The following TBC1D22A variants were observed in gnomAD, a reference collection of about 807,000 sequenced individuals.
TBC1D22A encodes the protein putative GTPase activator.
Under a neutral mutation model 60.2 loss-of-function variants are expected in TBC1D22A, and 38 were observed. The ratio of observed to expected loss-of-function variants is 0.63; its 90% CI spans 0.49 to 0.83. The LOEUF (loss-of-function observed/expected upper bound fraction) is 0.83, where lower values mean the gene tolerates loss of function less well. TBC1D22A is among the 40% of genes least tolerant of loss of function. The pLI is 0.00. For synonymous variants in TBC1D22A, 302 were observed against 281.7 expected, an observed-to-expected ratio of 1.07 and a Z score of -0.72; for missense variants, 628 against 701.0, an observed-to-expected ratio of 0.90 and a Z score of 1.18.
chr22:47,119,126 C>T (rs536229507), intron 12 of TBC1D22A, among the ~76,000 whole-genome samples: 42 of 152,226 alleles, frequency 2.8e-4, no homozygotes, highest in African/African-American at 7.5e-4. Context: ...TCCAGCCTTG[C>T]GACAGCAAGA....
chr22:46,885,350 G>A (rs1206996082), intron 5 of TBC1D22A, among the ~76,000 whole-genome samples: 2 of 152,096 alleles, frequency 1.3e-5, no homozygotes, highest in African/African-American at 2.4e-5. Flanking sequence ...ATGTGACTCT[G>A]GGCACATTAA....
At chr22:47,166,633 A>G (rs879255866) in intron 12 of TBC1D22A, among the ~76,000 whole-genome samples, 1 of 152,088 alleles carries the variant, frequency 6.6e-6, no homozygotes, top group Non-Finnish European at 1.5e-5. Flanking sequence ...TTATTTCTCC[A>G]TCTGTTGCCT....
In TBC1D22A at chr22:47,087,447, G is replaced by A. The variant is rs77822476; in HGVS notation, c.1330-24061G>A. Among the ~76,000 whole-genome samples the A allele has an allele frequency of 5.1e-3, 777 of 152,298 alleles. 11 individuals are homozygous for A. The highest frequency in any genetic ancestry group is 0.018 in the African/African-American group (730 of 41,564). ...AATGAAAAGAGAACCTAAACTATGTGTCAAGTCGGTACTTTAATCACACAG... is the reference window on the plus strand; with the variant it reads ...AATGAAAAGAGAACCTAAACTATGTATCAAGTCGGTACTTTAATCACACAG... On this transcript the variant is annotated intron_variant, in intron 11 of 12. Coordinates refer to ENST00000337137, the MANE Select transcript of TBC1D22A (RefSeq NM_014346.5).
intron 11 of TBC1D22A, among the ~76,000 whole-genome samples, chr22:47,062,087 CAAAAAAAAAAA>C (rs908701365): frequency 1.2e-3 from 74 of 62,998 alleles, no homozygotes; most frequent in South Asian, 3.2e-3. Flanking sequence ...GACTCCATCT[CAAAAAAAAAAA>C]AAAAAAAAAA....
chr22:46,974,410 GCGCCCACGGGACACAGCCCA>G lies in TBC1D22A; in HGVS notation c.1125+19_1125+38del. On this transcript the variant is annotated intron_variant, in intron 9 of 12. Coordinates refer to ENST00000337137, the MANE Select transcript of TBC1D22A (RefSeq NM_014346.5). ...CTGGATGGCATTCAGGTGAGCGCCC[GCGCCCACGGGACACAGCCCA>G]CGCCCACAGCCCCTGCGGTGAAGAG... The G allele has an allele frequency of 6.3e-7, 1 of 1,599,270 alleles. No homozygotes were observed. Among genetic ancestry groups the G allele is most frequent in the East Asian group, 2.3e-5 (1 of 44,388 alleles).
intron 12 of TBC1D22A, among the ~76,000 whole-genome samples, chr22:47,138,585 G>A (rs188370142): frequency 5.9e-5 from 9 of 152,366 alleles, no homozygotes; most frequent in South Asian, 2.1e-4. Context: ...GGCAAAGGCC[G>A]TCCTTGGAGA....
chr22:46,907,064 C>T (rs536698894), intron 7 of TBC1D22A, among the ~76,000 whole-genome samples: 1 of 142,848 alleles, frequency 7.0e-6, no homozygotes, highest in Non-Finnish European at 1.5e-5. Flanking sequence ...TGCTCTTCTC[C>T]ACATGTGTGC....
At chr22:47,127,060 A>G (rs1313798220) in intron 12 of TBC1D22A, among the ~76,000 whole-genome samples, 1 of 152,208 alleles carries the variant, frequency 6.6e-6, no homozygotes, top group Non-Finnish European at 1.5e-5. Context: ...TCGGGGTCTC[A>G]GGAAACCAGG....
intron 4 of TBC1D22A, among the ~76,000 whole-genome samples, chr22:46,854,030 G>T (rs2087434195): frequency 6.6e-6 from 1 of 152,122 alleles, no homozygotes; most frequent in Non-Finnish European, 1.5e-5. Context: ...TGTCCCCTGT[G>T]AGTGGACTCT....
intron 8 of TBC1D22A, among the ~76,000 whole-genome samples, chr22:46,923,581 C>A (rs977911882): frequency 6.6e-6 from 1 of 152,254 alleles, no homozygotes; most frequent in Non-Finnish European, 1.5e-5. Flanking sequence ...GGTTCCAGCC[C>A]GTCCTTTGAG....
rs1437280129 is a variant in TBC1D22A at position 47,110,905 on chromosome 22, C to T, written c.1330-603C>T. 4.6e-5 allele frequency among the ~76,000 whole-genome samples: 7 copies of T among 152,258 alleles called. 1 individual carries two copies. The highest frequency in any genetic ancestry group is 1.7e-4 in the African/African-American group (7 of 41,532). The stretch of plus-strand genomic sequence containing the variant: ...CGGGATGAGTAAGGGGTAGATATCT[C>T]AAGAAGGGGGAGCAGGGAAGCCTTG... On this transcript the variant is annotated intron_variant, in intron 11 of 12. Coordinates refer to ENST00000337137, the MANE Select transcript of TBC1D22A (RefSeq NM_014346.5).
intron 12 of TBC1D22A, among the ~76,000 whole-genome samples, chr22:47,148,002 A>G (rs913857541): frequency 2.6e-5 from 4 of 152,152 alleles, no homozygotes; most frequent in Admixed American, 2.6e-4. Context: ...CCTTCCTCCT[A>G]GGACAGTGCC....
chr22:47,131,408 C>T (rs1287664335), intron 12 of TBC1D22A, among the ~76,000 whole-genome samples: 5 of 152,182 alleles, frequency 3.3e-5, no homozygotes. Context: ...GTTAATCGGC[C>T]AGTAGTGAAC....
chr22:46,878,755 C>G, intron 5 of TBC1D22A, 32 bp downstream of exon 5: 1 of 1,604,986 alleles, frequency 6.2e-7, no homozygotes, highest in Non-Finnish European at 8.5e-7. Context: ...ATCAGCGCCT[C>G]CTTCCTGTGC....
chr22:46,921,489 T>C (rs1044995649), intron 8 of TBC1D22A, among the ~76,000 whole-genome samples: 25 of 152,246 alleles, frequency 1.6e-4, no homozygotes, highest in African/African-American at 4.8e-4. Flanking sequence ...CAGTCCACCA[T>C]TGATGGACAT....
chr22:47,127,680 C>T (rs1341381895), intron 12 of TBC1D22A, among the ~76,000 whole-genome samples: 7 of 152,218 alleles, frequency 4.6e-5, no homozygotes, highest in South Asian at 4.1e-4. Flanking sequence ...ACATCCGCCT[C>T]GTCATTGTTC....
rs767639714 is a variant in TBC1D22A, at chr22:46,974,308, C to T, written c.1034C>T (p.Thr345Met). The T allele has an allele frequency of 2.5e-5, 40 of 1,599,652 alleles. No individual in the cohort carries two copies. The highest frequency in any genetic ancestry group is 2.0e-4 in the South Asian group (18 of 88,346). The change falls in exon 9 of 13, where the codon ACG becomes ATG. Residue 345 changes from threonine to methionine, a missense_variant. Coordinates refer to ENST00000337137, the MANE Select transcript of TBC1D22A (RefSeq NM_014346.5). ...CGCCCAGAGGCAGAGGAGGTGGACA[C>T]GGTGGACGTCTCCGGCGTGCCCGCA... ...CEYIEAEEVD[T>M]VDVSGVPAEV...
chr22:46,866,885 TC>T (rs1383068818), intron 4 of TBC1D22A, among the ~76,000 whole-genome samples: 4 of 152,256 alleles, frequency 2.6e-5, no homozygotes, highest in Non-Finnish European at 5.9e-5. Flanking sequence ...GGAGTGGATT[TC>T]TTACCAGTCC....
chr22:47,063,499 TGTG>T (rs2063651865), intron 11 of TBC1D22A, among the ~76,000 whole-genome samples: 2 of 152,084 alleles, frequency 1.3e-5, no homozygotes, highest in Admixed American at 1.3e-4. Context: ...GCCTGGCCAT[TGTG>T]GTACAAGGCC....
Sources: gnomAD v4.1 joint callset for allele counts (sites outside exome capture counted in the v4.1 genomes callset) on GRCh38, gnomAD v4.1.1 for gene constraint, MANE v1.5 for transcripts, NCBI Gene and HGNC (gene_info 2026-07-23, HGNC 2026-07-21) for gene names.